The following TLL1 variants were observed in gnomAD, a reference collection of about 807,000 sequenced individuals.
TLL1 encodes tolloid like 1, also known as tolloid-like protein 1.
Under a neutral mutation model 128.2 loss-of-function variants are expected in TLL1, and 49 were observed. That is an observed-to-expected ratio of 0.38 (90% CI 0.30 to 0.48). TLL1 has a LOEUF of 0.48. Ranked by LOEUF, TLL1 falls within the 20% of genes least tolerant of loss-of-function variation. TLL1 has a pLI of 0.96. For missense variants in TLL1, 1,123 were observed against 1,242.0 expected (o/e 0.90, Z 1.44); for synonymous variants, 454 against 418.8 (o/e 1.08, Z -1.03).
chr4:165,957,880 A>C (rs1426284040), intron 1 of TLL1, among the ~76,000 whole-genome samples: 1 of 98,130 alleles, frequency 1.0e-5, no homozygotes, highest in Admixed American at 1.5e-4. Context: ...ACCCCACAAC[A>C]GTCCCCAGAG....
chr4:166,033,950 T>C (rs1210478895), intron 9 of TLL1, among the ~76,000 whole-genome samples: 2 of 152,194 alleles, frequency 1.3e-5, no homozygotes, highest in Non-Finnish European at 2.9e-5. Context: ...TTAGAAGCTA[T>C]TGACTATTTT....
At chr4:165,942,164 A>ACATTATGCTCCCAACAACATTGG (rs1734045493) in intron 1 of TLL1, among the ~76,000 whole-genome samples, 1 of 151,922 alleles carries the variant, frequency 6.6e-6, no homozygotes, top group East Asian at 1.9e-4. Context: ...CTCTCCACAA[A>ACATTATGCTCCCAACAACATTGG]CATTATGCTC....
rs1194284829 is a variant in TLL1, at chr4:165,969,978, A to C, written c.170-19403A>C. ...TTTTACAGAAATTTGTAGTTCCTACACGGATTTTCATCCTGTGTAACTCTA... is the reference window on the plus strand; with the variant it reads ...TTTTACAGAAATTTGTAGTTCCTACCCGGATTTTCATCCTGTGTAACTCTA... On this transcript the variant is annotated intron_variant, in intron 1 of 20. Transcript: ENST00000061240. Among the ~76,000 whole-genome samples the C allele has an allele frequency of 6.6e-5, 10 of 152,154 alleles. No homozygotes were observed. In the East Asian group the frequency reaches 1.7e-3, roughly 26 times the overall value.
chr4:166,012,050 T>C (rs1737717949), intron 7 of TLL1, among the ~76,000 whole-genome samples: 1 of 151,708 alleles, frequency 6.6e-6, no homozygotes, highest in South Asian at 2.1e-4. Flanking sequence ...AATGTATCTA[T>C]AGGGTCTTTA....
chr4:166,060,439 G>A (rs989252477), intron 15 of TLL1, among the ~76,000 whole-genome samples: 4 of 151,842 alleles, frequency 2.6e-5, no homozygotes, highest in Non-Finnish European at 4.4e-5. Flanking sequence ...CCATTTTCTT[G>A]ATTTGTTAAA....
chr4:165,896,179 A>C (rs1731670513), intron 1 of TLL1, among the ~76,000 whole-genome samples: 1 of 151,978 alleles, frequency 6.6e-6, no homozygotes, highest in Admixed American at 6.6e-5. Flanking sequence ...GAGAACATGT[A>C]GTGGTTAGTT....
chr4:165,939,255 C>G (rs1733894412), intron 1 of TLL1, among the ~76,000 whole-genome samples: 1 of 151,990 alleles, frequency 6.6e-6, no homozygotes, highest in Non-Finnish European at 1.5e-5. Context: ...CCACCAATGT[C>G]CTTCTTGATT....
At chr4:165,951,272 A>G (rs1440087206) in intron 1 of TLL1, among the ~76,000 whole-genome samples, 5 of 152,156 alleles carry the variant, frequency 3.3e-5, no homozygotes, top group Non-Finnish European at 7.4e-5. Flanking sequence ...AAACAGAGAA[A>G]ATGTCAGATG....
chr4:165,910,968 T>C (rs994815479), intron 1 of TLL1, among the ~76,000 whole-genome samples: 1 of 152,184 alleles, frequency 6.6e-6, no homozygotes, highest in African/African-American at 2.4e-5. Flanking sequence ...ATGAATAGAA[T>C]GTGTAATGAT....
At chr4:166,093,997 G>T (rs916008920) in intron 19 of TLL1, among the ~76,000 whole-genome samples, 3 of 152,102 alleles carry the variant, frequency 2.0e-5, no homozygotes, top group Admixed American at 2.0e-4. Flanking sequence ...CAAAGCAATT[G>T]TTCAAGGTAC....
intron 1 of TLL1, among the ~76,000 whole-genome samples, chr4:165,896,603 C>G (rs112850634): frequency 0.04 from 6,126 of 151,502 alleles, 402 homozygotes; most frequent in African/African-American, 0.14. Context: ...CTGCCTCAGC[C>G]TCCCAAGTAG....
In TLL1 at chr4:166,101,344, A is replaced by G. The variant is rs1259787041; in HGVS notation, c.*468A>G. 5.5e-6 allele frequency: 1 copy of G among 180,414 alleles called. No homozygotes were observed. Among genetic ancestry groups the G allele is most frequent in the African/African-American group, 2.4e-5 (1 of 41,718 alleles). The allele number at this position is 180,414 out of a possible 1,614,324, so 11.2% of individuals were successfully genotyped here. ...TGGATACAGTGTAAACCAGATCCAT[A>G]TAAGGTGAATGTGAAATGGGAGTCT... On this transcript the variant is annotated 3_prime_UTR_variant, in exon 21 of 21. Transcript: ENST00000061240.
At chr4:166,098,043 T>G (rs537033857) in intron 19 of TLL1, among the ~76,000 whole-genome samples, 1 of 152,012 alleles carries the variant, frequency 6.6e-6, no homozygotes, top group Admixed American at 6.6e-5. Context: ...TAAAAAGTTA[T>G]AGGGCTCTGG....
At chr4:165,975,350 C>T (rs988337111) in intron 1 of TLL1, among the ~76,000 whole-genome samples, 3 of 152,078 alleles carry the variant, frequency 2.0e-5, no homozygotes, top group Admixed American at 6.5e-5. Flanking sequence ...CACCCAACCC[C>T]TCTCCATATT....
At chr4:165,893,601 C>G (rs766081627) in intron 1 of TLL1, among the ~76,000 whole-genome samples, 15 of 152,172 alleles carry the variant, frequency 9.9e-5, no homozygotes, top group Admixed American at 3.9e-4. Flanking sequence ...ATTTACCTCA[C>G]TACTGATTAG....
At chr4:165,942,243 C>T (rs558778557) in intron 1 of TLL1, among the ~76,000 whole-genome samples, 13 of 151,534 alleles carry the variant, frequency 8.6e-5, no homozygotes, top group African/African-American at 2.9e-4. Flanking sequence ...CTTTGTCATG[C>T]ACTTGCCTCC....
At chr4:166,047,466 A>G (rs999400839) in intron 12 of TLL1, among the ~76,000 whole-genome samples, 8 of 149,262 alleles carry the variant, frequency 5.4e-5, no homozygotes, top group Admixed American at 6.7e-5. Context: ...ACCTGGCCTC[A>G]TTTATTATTC....
At chr4:165,925,407 A>G (rs896450869) in intron 1 of TLL1, among the ~76,000 whole-genome samples, 7 of 152,174 alleles carry the variant, frequency 4.6e-5, no homozygotes, top group African/African-American at 4.8e-5. Flanking sequence ...TAGTGGAGGA[A>G]GTAATTGCAG....
At chr4:166,058,412 C>A (rs1273156951) in intron 14 of TLL1, among the ~76,000 whole-genome samples, 1 of 152,092 alleles carries the variant, frequency 6.6e-6, no homozygotes, top group Non-Finnish European at 1.5e-5. Flanking sequence ...AGACATAAAG[C>A]AGGAGATAAA....
Sources: allele counts gnomAD v4.1 joint callset (sites outside exome capture counted in the v4.1 genomes callset), GRCh38; gene constraint gnomAD v4.1.1; transcripts MANE v1.5; gene names NCBI Gene and HGNC (gene_info 2026-07-23, HGNC 2026-07-21).